Variants in GOLGA6L9 observed in about 807,000 individuals in gnomAD.
The protein encoded by GOLGA6L9 is golgin subfamily A member 6-like protein 9.
GOLGA6L9 carries 19 observed loss-of-function variants against 51.3 expected under a neutral mutation model. The observed-to-expected ratio is 0.37, with a 90% CI of 0.26 to 0.54. The LOEUF is 0.54. GOLGA6L9 is among the 20% of genes least tolerant of loss of function. GOLGA6L9 has a pLI of 0.83. For missense variants in GOLGA6L9, 247 were observed against 464.1 expected (o/e 0.53, Z 4.30); for synonymous variants, 97 against 184.2 (o/e 0.53, Z 3.83).
the GOLGA6L9 span, chr15:82,419,976 G>C: frequency 2.6e-6 from 1 of 383,518 alleles, no homozygotes; most frequent in South Asian, 2.8e-5. Context: ...TGTTCTTCCT[G>C]TAGGGCTGAA....
chr15:82,418,006 T>C, the GOLGA6L9 span, among the ~76,000 whole-genome samples: 2 of 152,246 alleles, frequency 1.3e-5, no homozygotes, highest in Admixed American at 1.3e-4. Flanking sequence ...AGTTTTTCTT[T>C]TAGATTTTCT....
chr15:82,420,142 C>G, the GOLGA6L9 span: 3 of 195,750 alleles, frequency 1.5e-5, no homozygotes, highest in Non-Finnish European at 1.1e-5. Context: ...AGCCTTCTTC[C>G]TATCTTAATT....
intron 2 of GOLGA6L9, 52 bp downstream of exon 2, chr15:82,432,001 G>C (rs1486999530): frequency 7.6e-7 from 1 of 1,318,500 alleles, no homozygotes; most frequent in Admixed American, 3.1e-5. Context: ...AGGGGCAGTA[G>C]AGGGTAATTG....
Position 82,436,543 on chromosome 15 carries a change from T to G in GOLGA6L9, c.*132T>G. ...CTAATTTATAGTTTAAATTTATTTG[T>G]GTTTCTAATTTATAGTTTAAATTTA... On this transcript the variant is annotated 3_prime_UTR_variant, in exon 9 of 9. Coordinates refer to ENST00000618348, the MANE Select transcript of GOLGA6L9 (RefSeq NM_198181.4). 1 of 1,222,992 alleles carries G rather than the reference T, an allele frequency of 8.2e-7. No individual in the cohort carries two copies. Among genetic ancestry groups the G allele is most frequent in the Non-Finnish European group, 1.1e-6 (1 of 900,086 alleles). 75.8% of individuals were successfully genotyped at this position (1,222,992 alleles called of 1,614,324 possible). A position where few individuals can be genotyped will look rare whatever the true frequency, so the allele number is the denominator to read the frequency against.
rs2031785453 is a variant in GOLGA6L9 at position 82,438,271 on chromosome 15, T to C, written c.*1860T>C. 1.3e-5 allele frequency: 2 copies of C among 149,688 alleles called. No homozygotes were observed. The highest frequency in any genetic ancestry group is 4.9e-5 in the African/African-American group (2 of 40,534). The allele number at this position is 149,688 out of a possible 1,614,324, so 9.3% of individuals were successfully genotyped here. A position where few individuals can be genotyped will look rare whatever the true frequency, so the allele number is the denominator to read the frequency against. On this transcript the variant is annotated 3_prime_UTR_variant, in exon 9 of 9. Coordinates refer to ENST00000618348, the MANE Select transcript of GOLGA6L9 (RefSeq NM_198181.4). ...GCAACTGTAACCAATCTGACAATAA[T>C]GTGTTCATCAGGTACCTGTGGATTA...
upstream of GOLGA6L9, among the ~76,000 whole-genome samples, chr15:82,429,782 A>G (rs1480643685): frequency 1.3e-5 from 2 of 152,210 alleles, no homozygotes; most frequent in Admixed American, 6.5e-5. Flanking sequence ...TTTTAAAGCA[A>G]AAGCCAGCCC....
Position 82,438,221 on chromosome 15 carries a change from A to G in GOLGA6L9, c.*1810A>G, listed in dbSNP as rs1258352656. ...TTTACCCTGACACGTATAAATGACTAGGAATGACCTTCAGATAGCATTTAG... is the reference window on the plus strand; with the variant it reads ...TTTACCCTGACACGTATAAATGACTGGGAATGACCTTCAGATAGCATTTAG... On this transcript the variant is annotated 3_prime_UTR_variant, in exon 9 of 9. Coordinates refer to ENST00000618348, the MANE Select transcript of GOLGA6L9 (RefSeq NM_198181.4). 10 of 148,338 alleles carry G rather than the reference A, an allele frequency of 6.7e-5. No individual in the cohort carries two copies. Among genetic ancestry groups the G allele is most frequent in the African/African-American group, 2.5e-4 (10 of 39,980 alleles). The allele number at this position is 148,338 out of a possible 1,614,324, so 9.2% of individuals were successfully genotyped here. A position where few individuals can be genotyped will look rare whatever the true frequency, so the allele number is the denominator to read the frequency against.
the GOLGA6L9 span, among the ~76,000 whole-genome samples, chr15:82,422,211 A>ATAT: frequency 6.7e-6 from 1 of 148,836 alleles, no homozygotes; most frequent in Non-Finnish European, 1.5e-5. Context: ...TATTAAAATT[A>ATAT]TATTAGAAAG....
Position 82,429,823 on chromosome 15 carries a change from CCTCT to C in GOLGA6L9, c.-252_-249del, listed in dbSNP as rs1595948304. Reference sequence around the variant, plus strand: ...CTCTCCCAGAGTGGGCGGCCTCTCCCCTCTCTCTGAGTGGGCGGGGACAGCGGTT... The same window carrying C: ...CTCTCCCAGAGTGGGCGGCCTCTCCCCTCTGAGTGGGCGGGGACAGCGGTT... On this transcript the variant is annotated 5_prime_UTR_variant, in exon 1 of 9. Transcript: ENST00000618348. 6.6e-6 allele frequency among the ~76,000 whole-genome samples: 1 copy of C among 152,130 alleles called. No individual in the cohort carries two copies. The highest frequency in any genetic ancestry group is 2.4e-5 in the African/African-American group (1 of 41,416).
chr15:82,429,785 G>T (rs1201962905), upstream of GOLGA6L9, among the ~76,000 whole-genome samples: 1 of 152,078 alleles, frequency 6.6e-6, no homozygotes, highest in African/African-American at 2.4e-5. Context: ...TAAAGCAAAA[G>T]CCAGCCCCTC....
the GOLGA6L9 span, among the ~76,000 whole-genome samples, chr15:82,423,820 CAGT>C: frequency 1.1e-5 from 1 of 93,672 alleles, no homozygotes; most frequent in African/African-American, 3.7e-5. Flanking sequence ...ATTAATTTAG[CAGT>C]ATTTAGGATA....
upstream of GOLGA6L9, among the ~76,000 whole-genome samples, chr15:82,428,730 T>C (rs2031282611): frequency 3.2e-5 from 2 of 61,560 alleles, no homozygotes. Flanking sequence ...ACCACTCTTG[T>C]CTATTAAGTG....
chr15:82,436,898 A>C lies in GOLGA6L9; in HGVS notation c.*487A>C, dbSNP rs1417826489. On this transcript the variant is annotated 3_prime_UTR_variant, in exon 9 of 9. Coordinates refer to ENST00000618348, the MANE Select transcript of GOLGA6L9 (RefSeq NM_198181.4). ...TATATTCATTACGGAATTCAGATAA[A>C]ATTTCCTTATGTTCTGCTGTTATGT... 1 of 156,278 alleles carries C rather than the reference A, an allele frequency of 6.4e-6. No homozygotes were observed. Among genetic ancestry groups the C allele is most frequent in the Non-Finnish European group, 1.4e-5 (1 of 71,384 alleles). The allele number at this position is 156,278 out of a possible 1,614,324, so 9.7% of individuals were successfully genotyped here.
the GOLGA6L9 span, chr15:82,416,084 T>TCTCA: frequency 6.6e-5 from 10 of 152,266 alleles, no homozygotes; most frequent in Admixed American, 5.2e-4. Flanking sequence ...GTAGATGGGA[T>TCTCA]CTCAGCTGGG....
At chr15:82,419,804 T>C in the GOLGA6L9 span, among the ~76,000 whole-genome samples, 3 of 152,170 alleles carry the variant, frequency 2.0e-5, no homozygotes, top group South Asian at 2.1e-4. Flanking sequence ...CTTAGAACAT[T>C]GGTTTGTTGT....
chr15:82,432,858 C>T lies in GOLGA6L9; in HGVS notation c.306C>T (p.Ser102=), dbSNP rs1203086861. 26 of 1,612,296 alleles carry T rather than the reference C, an allele frequency of 1.6e-5. No individual in the cohort carries two copies. The highest frequency in any genetic ancestry group is 2.7e-5 in the African/African-American group (2 of 74,702). The change falls in exon 4 of 9, where the codon TCC becomes TCT. Residue 102 remains serine, a synonymous_variant. Coordinates refer to ENST00000618348, the MANE Select transcript of GOLGA6L9 (RefSeq NM_198181.4). Reference sequence around the variant, plus strand: ...TAGCAGTAGCCCTGGATTCAAGCTCCGCAATAATCAGTCAACTCACTGAAA... The same window carrying T: ...TAGCAGTAGCCCTGGATTCAAGCTCTGCAATAATCAGTCAACTCACTGAAA... ...QELAVALDSS[S]AIISQLTENI...
rs1255937484 is a variant in GOLGA6L9, at chr15:82,434,332, G to A, written c.732G>A (p.Gly244=). ...TGTGTGAACAGGAGAAGCTGCCAGG[G>A]CAGGAGAGGCTGCTGGAAGAGGTGG... is the stretch of plus-strand genomic sequence containing the variant. The part of the protein sequence containing the change: ...ERLCEQEKLP[G]QERLLEEVEK... The change falls in exon 6 of 9, where the codon GGG becomes GGA. Residue 244 remains glycine, a synonymous_variant. Transcript: ENST00000618348. 138 of 1,533,068 alleles carry A rather than the reference G, an allele frequency of 9.0e-5. 1 individual carries two copies. Among genetic ancestry groups the A allele is most frequent in the South Asian group, 2.9e-4 (24 of 83,858 alleles). The allele number at this position is 1,533,068 out of a possible 1,614,324, so 95.0% of individuals were successfully genotyped here. A position where few individuals can be genotyped will look rare whatever the true frequency, so the allele number is the denominator to read the frequency against.
chr15:82,432,498 G>T (rs2031446886), intron 2 of GOLGA6L9, 74 bp from the exon 3 acceptor site: 2 of 1,565,394 alleles, frequency 1.3e-6, no homozygotes, highest in Non-Finnish European at 8.6e-7. Context: ...GTTGATGGGG[G>T]AAGAAAGGAA....
In GOLGA6L9 at chr15:82,436,553, T is replaced by G; in HGVS notation, c.*142T>G. On this transcript the variant is annotated 3_prime_UTR_variant, in exon 9 of 9. Coordinates refer to ENST00000618348, the MANE Select transcript of GOLGA6L9 (RefSeq NM_198181.4). The stretch of plus-strand genomic sequence containing the variant: ...GTTTAAATTTATTTGTGTTTCTAAT[T>G]TATAGTTTAAATTTATTTGTTTCTA... 1 of 1,077,952 alleles carries G rather than the reference T, an allele frequency of 9.3e-7. No homozygotes were observed. Among genetic ancestry groups the G allele is most frequent in the Non-Finnish European group, 1.3e-6 (1 of 777,594 alleles). 66.8% of individuals were successfully genotyped at this position (1,077,952 alleles called of 1,614,324 possible).
Sources: allele counts gnomAD v4.1 joint callset (sites outside exome capture counted in the v4.1 genomes callset), GRCh38; gene constraint gnomAD v4.1.1; transcripts MANE v1.5; gene names NCBI Gene and HGNC (gene_info 2026-07-23, HGNC 2026-07-21).